The following RBFOX2 variants were observed in gnomAD, a reference collection of about 807,000 sequenced individuals.
RBFOX2 encodes the protein RNA binding fox-1 homolog 2, also known as RNA binding protein fox-1 homolog 2.
In RBFOX2, 10 loss-of-function variants were observed where a neutral mutation model predicts 49.1. The observed-to-expected ratio is 0.20, with a 90% CI of 0.13 to 0.35. The LOEUF (loss-of-function observed/expected upper bound fraction) is 0.35. Among genes scored for constraint, RBFOX2 ranks in the 10% least tolerant of loss-of-function variants. The pLI, the probability that RBFOX2 is intolerant of heterozygous loss-of-function variation, is 1.00. For missense variants in RBFOX2, 323 were observed against 486.9 expected (o/e 0.66, Z 3.17); for synonymous variants, 183 against 187.4 (o/e 0.98, Z 0.19).
At chr22:35,977,044 C>A (rs934443523) in intron 1 of RBFOX2, among the ~76,000 whole-genome samples, 4 of 151,744 alleles carry the variant, frequency 2.6e-5, no homozygotes, top group Non-Finnish European at 5.9e-5. Context: ...ACAGACCCAT[C>A]ATCAAAGAGA....
rs541987544 is a variant in RBFOX2 at position 36,006,104 on chromosome 22, A to C, written c.186+22136T>G. Among the ~76,000 whole-genome samples, 12 of 152,346 alleles carry C rather than the reference A, an allele frequency of 7.9e-5. No individual in the cohort carries two copies. The East Asian group carries it at 2.3e-3, about 29-fold the overall frequency. The stretch of plus-strand genomic sequence containing the variant: ...AATGTGCAAATATATAGGGTATGTG[A>C]ATAAAATATCACCTGCCTACCTACT... On this transcript the variant is annotated intron_variant, in intron 1 of 13. Transcript: ENST00000438146.
chr22:35,741,324 A>C (rs984890356), exon 12 of RBFOX2: 1 of 152,290 alleles, frequency 6.6e-6, no homozygotes, highest in Non-Finnish European at 1.5e-5. Context: ...ACTGTGATTT[A>C]GCATCAGTAA....
At chr22:35,930,312 C>T (rs2052236060) in intron 1 of RBFOX2, among the ~76,000 whole-genome samples, 1 of 151,832 alleles carries the variant, frequency 6.6e-6, no homozygotes. Flanking sequence ...TGAGCCACTG[C>T]GCTGGCCATA....
At chr22:35,821,281 T>C (rs1250884656) in intron 1 of RBFOX2, among the ~76,000 whole-genome samples, 3 of 152,030 alleles carry the variant, frequency 2.0e-5, no homozygotes, top group Non-Finnish European at 4.4e-5. Flanking sequence ...GCAAATCAAA[T>C]AGGTAAGAAG....
At chr22:35,921,159 C>T (rs182248815) in intron 1 of RBFOX2, among the ~76,000 whole-genome samples, 6 of 152,274 alleles carry the variant, frequency 3.9e-5, no homozygotes, top group Admixed American at 3.3e-4. Flanking sequence ...ATTCTATGTA[C>T]GACTTTGGCA....
At chr22:35,786,975 C>T (rs890429788) in intron 2 of RBFOX2, among the ~76,000 whole-genome samples, 4 of 152,092 alleles carry the variant, frequency 2.6e-5, no homozygotes, top group African/African-American at 9.7e-5. Context: ...CAAGAGTCTC[C>T]GGGAGTGGAG....
intron 1 of RBFOX2, among the ~76,000 whole-genome samples, chr22:35,906,644 A>T (rs1027233486): frequency 5.9e-5 from 9 of 151,790 alleles, no homozygotes; most frequent in Non-Finnish European, 1.2e-4. Context: ...GTGAAACCCC[A>T]TCTCTACTAA....
intron 1 of RBFOX2, among the ~76,000 whole-genome samples, chr22:35,823,005 G>T (rs1213474434): frequency 6.6e-6 from 1 of 152,016 alleles, no homozygotes; most frequent in Non-Finnish European, 1.5e-5. Context: ...TGCATTTTTA[G>T]TAGAGACAGG....
rs553532747 is a variant in RBFOX2, at chr22:35,914,338, C to T, written c.-34+24509G>A. ...ACAGGTTAAATGCTTTTCCCCTAAACCTCAAGGCTAGCGATAAAACGCCAC... is the reference window on the plus strand; with the variant it reads ...ACAGGTTAAATGCTTTTCCCCTAAATCTCAAGGCTAGCGATAAAACGCCAC... On this transcript the variant is annotated intron_variant, in intron 1 of 13. Coordinates refer to the RBFOX2 transcript ENST00000359369. Among the ~76,000 whole-genome samples the T allele has an allele frequency of 5.3e-5, 8 of 152,308 alleles. No homozygotes were observed. The East Asian group carries it at 1.5e-3, about 29-fold the overall frequency.
At chr22:35,791,397 A>AG (rs1947621738) in intron 2 of RBFOX2, among the ~76,000 whole-genome samples, 1 of 152,154 alleles carries the variant, frequency 6.6e-6, no homozygotes, top group East Asian at 1.9e-4. Flanking sequence ...AAAAAAAAAA[A>AG]AAGAAGAAAA....
At chr22:35,766,599 T>C (rs964550681) in intron 5 of RBFOX2, among the ~76,000 whole-genome samples, 1 of 152,054 alleles carries the variant, frequency 6.6e-6, no homozygotes, top group African/African-American at 2.4e-5. Context: ...AATATAAACG[T>C]TTCACATTTA....
At chr22:35,878,038 CT>C (rs779929578) in intron 1 of RBFOX2, among the ~76,000 whole-genome samples, 27 of 76,428 alleles carry the variant, frequency 3.5e-4, no homozygotes, top group East Asian at 2.9e-3. Flanking sequence ...ACTACTACTA[CT>C]ACACACACAC....
At chr22:35,835,758 T>C (rs1957545224) in intron 1 of RBFOX2, among the ~76,000 whole-genome samples, 1 of 152,168 alleles carries the variant, frequency 6.6e-6, no homozygotes, top group Admixed American at 6.5e-5. Context: ...TGAGTCAAGA[T>C]TGCTCGGATT....
upstream of RBFOX2, chr22:35,961,810 G>A (rs1265562738): frequency 2.4e-5 from 23 of 974,744 alleles, no homozygotes; most frequent in South Asian, 7.0e-5. Context: ...AGCTACTTGG[G>A]ATTCAGAGTC....
At position 35,796,985 on chromosome 22, in the gene RBFOX2, G is replaced by A. The variant is rs534801460; in HGVS notation, c.252+12795C>T. Reference sequence around the variant, plus strand: ...GGCCCACTTCATTTTCAAGAAAATGGTGTATAATGTAAATACTTTCTTTCT... The same window carrying A: ...GGCCCACTTCATTTTCAAGAAAATGATGTATAATGTAAATACTTTCTTTCT... On this transcript the variant is annotated intron_variant, in intron 2 of 11. Transcript: ENST00000405409. Among the ~76,000 whole-genome samples, 32 of 152,176 alleles carry A rather than the reference G, an allele frequency of 2.1e-4. No homozygotes were observed. In the South Asian group the frequency reaches 3.9e-3, roughly 19 times the overall value.
At chr22:35,853,381 G>A (rs2042158625) in intron 1 of RBFOX2, among the ~76,000 whole-genome samples, 1 of 151,776 alleles carries the variant, frequency 6.6e-6, no homozygotes, top group Non-Finnish European at 1.5e-5. Flanking sequence ...TTATATAGGG[G>A]TATGCATGCA....
At chr22:35,797,409 G>C (rs896366329) in intron 2 of RBFOX2, among the ~76,000 whole-genome samples, 5 of 152,074 alleles carry the variant, frequency 3.3e-5, no homozygotes, top group African/African-American at 1.2e-4. Context: ...AAAATATTTT[G>C]GTATGTAACA....
At chr22:35,837,592 A>T (rs113870137) in intron 1 of RBFOX2, among the ~76,000 whole-genome samples, 2 of 152,110 alleles carry the variant, frequency 1.3e-5, no homozygotes, top group Non-Finnish European at 2.9e-5. Context: ...ATTTCCTTTG[A>T]TTGTTTTCCC....
At chr22:35,904,938 G>T (rs1242130100) in intron 1 of RBFOX2, among the ~76,000 whole-genome samples, 1 of 152,188 alleles carries the variant, frequency 6.6e-6, no homozygotes, top group Non-Finnish European at 1.5e-5. Context: ...AATGGATAGG[G>T]CAGACATAAA....
Sources: gnomAD v4.1 joint callset for allele counts (sites outside exome capture counted in the v4.1 genomes callset) on GRCh38, gnomAD v4.1.1 for gene constraint, MANE v1.5 for transcripts, NCBI Gene and HGNC (gene_info 2026-07-23, HGNC 2026-07-21) for gene names.